PAPPA: variants seen among roughly 807,000 people sequenced by gnomAD.
PAPPA encodes pappalysin 1.
Under a neutral mutation model 164.0 loss-of-function variants are expected in PAPPA, and 60 were observed. The observed-to-expected ratio is 0.37, with a 90% CI of 0.30 to 0.45. The LOEUF (loss-of-function observed/expected upper bound fraction) is 0.45, where lower values mean the gene tolerates loss of function less well. PAPPA is among the 20% of genes least tolerant of loss of function. The pLI, the probability that PAPPA is intolerant of heterozygous loss-of-function variation, is 1.00. For missense variants in PAPPA, 1,782 were observed against 2,087.3 expected, an observed-to-expected ratio of 0.85 and a Z score of 2.85; for synonymous variants, 875 against 814.1, an observed-to-expected ratio of 1.07 and a Z score of -1.27.
Position 116,331,330 on chromosome 9 carries a change from G to A in PAPPA, c.3234G>A (p.Gln1078=), listed in dbSNP as rs773709191. 2.0e-5 allele frequency: 32 copies of A among 1,613,518 alleles called. No homozygotes were observed. Among genetic ancestry groups the A allele is most frequent in the South Asian group, 6.6e-5 (6 of 91,056 alleles). The part of the protein sequence containing the change: ...YPCTISYPYS[Q]LAQTTFWLRA... Reference sequence around the variant, plus strand: ...GCACCATCAGCTACCCATATTCCCAGCTGGCTCAGACCACTTTTTGGCTCC... The same window carrying A: ...GCACCATCAGCTACCCATATTCCCAACTGGCTCAGACCACTTTTTGGCTCC... Residue 1078 remains glutamine, a synonymous_variant, in exon 11 of 22, where the codon CAG becomes CAA. Transcript: ENST00000328252.
chr9:116,320,404 G>A (rs1845839426), intron 10 of PAPPA, among the ~76,000 whole-genome samples: 2 of 152,228 alleles, frequency 1.3e-5, no homozygotes, highest in Non-Finnish European at 2.9e-5. Context: ...TTATCAGAAA[G>A]TGTCTCCTGG....
chr9:116,397,779 C>A lies in PAPPA; in HGVS notation c.*1163C>A, dbSNP rs1846985783. On this transcript the variant is annotated 3_prime_UTR_variant, in exon 22 of 22. Coordinates refer to ENST00000328252, the MANE Select transcript of PAPPA (RefSeq NM_002581.5). The stretch of plus-strand genomic sequence containing the variant: ...GTGTTAAATTTCTATGATGTTGGAG[C>A]CATCCAGAGACTACTGGAATTGTCG... 6.6e-6 allele frequency: 1 copy of A among 152,618 alleles called. No individual in the cohort carries two copies. The highest frequency in any genetic ancestry group is 1.5e-5 in the Non-Finnish European group (1 of 68,036). 9.5% of individuals were successfully genotyped at this position (152,618 alleles called of 1,614,324 possible).
intron 7 of PAPPA, among the ~76,000 whole-genome samples, chr9:116,242,236 G>A (rs765776891): frequency 1.3e-5 from 2 of 152,098 alleles, no homozygotes; most frequent in Non-Finnish European, 2.9e-5. Context: ...GGTAAGGAGG[G>A]CTTCTTGGAA....
intron 1 of PAPPA, among the ~76,000 whole-genome samples, chr9:116,181,199 G>C (rs1047908580): frequency 4.6e-5 from 7 of 152,240 alleles, no homozygotes; most frequent in Admixed American, 4.6e-4. Flanking sequence ...ATGATGGTTT[G>C]CTAGGGCAGG....
intron 6 of PAPPA, 150 bp from the exon 7 acceptor site, chr9:116,234,989 A>G (rs772628053): frequency 7.8e-5 from 58 of 741,042 alleles, no homozygotes; most frequent in Non-Finnish European, 1.2e-4. Flanking sequence ...TGTGTATAGC[A>G]GATTCACCAA....
Position 116,233,287 on chromosome 9 carries a change from T to TAAC in PAPPA, c.2234-1851_2234-1849dup, listed in dbSNP as rs142742970. Among the ~76,000 whole-genome samples, 17 of 152,310 alleles carry TAAC rather than the reference T, an allele frequency of 1.1e-4. No homozygotes were observed. In the East Asian group the frequency reaches 3.3e-3, roughly 29 times the overall value. ...GATGACAATCAGATGAGTTAACTAATAACTAGGAGATGTGTTTCATATACT... is the reference window on the plus strand; with the variant it reads ...GATGACAATCAGATGAGTTAACTAATAACAACTAGGAGATGTGTTTCATATACT... On this transcript the variant is annotated intron_variant, in intron 6 of 21. Transcript: ENST00000328252.
At chr9:116,266,104 G>T (rs1845065411) in intron 8 of PAPPA, 119 bp downstream of exon 8, 2 of 818,256 alleles carry the variant, frequency 2.4e-6, no homozygotes, top group Non-Finnish European at 1.8e-6. Context: ...TGAGCTACTA[G>T]TGGTCCCCAG....
At chr9:116,244,512 A>G (rs936428152) in intron 7 of PAPPA, among the ~76,000 whole-genome samples, 2 of 152,218 alleles carry the variant, frequency 1.3e-5, no homozygotes, top group African/African-American at 4.8e-5. Context: ...AGAGCTGAAT[A>G]ATAGTACACA....
chr9:116,317,391 TC>T (rs1448508990), intron 10 of PAPPA, among the ~76,000 whole-genome samples: 1 of 152,150 alleles, frequency 6.6e-6, no homozygotes, highest in Non-Finnish European at 1.5e-5. Context: ...TGTAGAAGCT[TC>T]CTAAGACATC....
At chr9:116,370,767 A>G (rs552112665) in intron 19 of PAPPA, among the ~76,000 whole-genome samples, 1 of 152,308 alleles carries the variant, frequency 6.6e-6, no homozygotes, top group Admixed American at 6.5e-5. Context: ...TGCTTAGATG[A>G]GTGGAATGTC....
At chr9:116,317,229 C>T (rs1467774052) in intron 10 of PAPPA, among the ~76,000 whole-genome samples, 9 of 152,118 alleles carry the variant, frequency 5.9e-5, no homozygotes, top group African/African-American at 1.4e-4. Flanking sequence ...TTGAATAGGC[C>T]GATGCGGTCA....
chr9:116,392,257 C>CT (rs111616508), intron 21 of PAPPA, among the ~76,000 whole-genome samples: 3 of 152,136 alleles, frequency 2.0e-5, no homozygotes, highest in Admixed American at 6.5e-5. Context: ...AAGAAAATAC[C>CT]TTTTTTTTCC....
intron 9 of PAPPA, among the ~76,000 whole-genome samples, chr9:116,289,775 T>C (rs1329818358): frequency 1.3e-5 from 2 of 152,250 alleles, no homozygotes; most frequent in Non-Finnish European, 2.9e-5. Flanking sequence ...CCTATGTTTC[T>C]GCTCTCAAGG....
At chr9:116,353,476 C>A in intron 16 of PAPPA, 146 bp from the exon 17 acceptor site, 1 of 669,626 alleles carries the variant, frequency 1.5e-6, no homozygotes. Context: ...TTAATTCCTG[C>A]ACGGGTCCCA....
chr9:116,298,180 C>T (rs1845532607), intron 9 of PAPPA, among the ~76,000 whole-genome samples: 1 of 152,168 alleles, frequency 6.6e-6, no homozygotes, highest in Non-Finnish European at 1.5e-5. Flanking sequence ...TGCAGACATG[C>T]CTCAGGAACT....
At chr9:116,280,272 T>G (rs1373962019) in intron 9 of PAPPA, among the ~76,000 whole-genome samples, 1 of 152,152 alleles carries the variant, frequency 6.6e-6, no homozygotes, top group Non-Finnish European at 1.5e-5. Flanking sequence ...ATTATTTAAG[T>G]GTCATTGTGG....
At chr9:116,376,816 T>C (rs1407692526) in intron 19 of PAPPA, among the ~76,000 whole-genome samples, 1 of 152,036 alleles carries the variant, frequency 6.6e-6, no homozygotes, top group African/African-American at 2.4e-5. Context: ...AAGAACGAAT[T>C]CACTGTGGGC....
chr9:116,165,343 C>T (rs1158017243), intron 1 of PAPPA, among the ~76,000 whole-genome samples: 2 of 152,166 alleles, frequency 1.3e-5, no homozygotes, highest in African/African-American at 4.8e-5. Flanking sequence ...AAACTCCACA[C>T]TTCCGAAACA....
At chr9:116,244,196 C>T (rs980750913) in intron 7 of PAPPA, among the ~76,000 whole-genome samples, 5 of 152,142 alleles carry the variant, frequency 3.3e-5, no homozygotes, top group Non-Finnish European at 5.9e-5. Flanking sequence ...CTCCAAGTGC[C>T]TTCTCAATTT....
Sources: allele counts gnomAD v4.1 joint callset (sites outside exome capture counted in the v4.1 genomes callset), GRCh38; gene constraint gnomAD v4.1.1; transcripts MANE v1.5; gene names NCBI Gene and HGNC (gene_info 2026-07-23, HGNC 2026-07-21).